Variants in CNTLN observed in about 807,000 individuals in gnomAD.
The protein encoded by CNTLN is centlein, centrosomal protein.
Under a neutral mutation model 180.0 loss-of-function variants are expected in CNTLN, and 212 were observed. That is an observed-to-expected ratio of 1.18 (90% CI 1.05 to 1.32). CNTLN has a LOEUF of 1.32. Ranked by LOEUF, CNTLN falls within the 40% of genes most tolerant of loss-of-function variation. CNTLN has a pLI of 0.00. For synonymous variants in CNTLN, 722 were observed against 563.1 expected, an observed-to-expected ratio of 1.28 and a Z score of -3.99; for missense variants, 2,095 against 1,610.9, an observed-to-expected ratio of 1.30 and a Z score of -5.14.
chr9:17,330,541 C>A, intron 8 of CNTLN, 91 bp from the exon 9 acceptor site: 2 of 683,828 alleles, frequency 2.9e-6, no homozygotes, highest in Non-Finnish European at 4.4e-6. Context: ...TTTACAATTT[C>A]TATAATATAG....
chr9:17,319,976 T>TG (rs1445631442), intron 8 of CNTLN, among the ~76,000 whole-genome samples: 1 of 152,236 alleles, frequency 6.6e-6, no homozygotes, highest in Non-Finnish European at 1.5e-5. Context: ...GAATTCTGAA[T>TG]GACTGCCTAT....
intron 12 of CNTLN, among the ~76,000 whole-genome samples, chr9:17,352,324 C>G: frequency 6.7e-6 from 1 of 150,142 alleles, no homozygotes. Flanking sequence ...AAAATATTAT[C>G]CTAGGAAAGT....
chr9:17,521,613 A>G, the CNTLN span, among the ~76,000 whole-genome samples: 1 of 152,126 alleles, frequency 6.6e-6, no homozygotes, highest in African/African-American at 2.4e-5. Flanking sequence ...CTTATTTCAT[A>G]TTTAGGATCG....
rs553130159 is a variant in CNTLN, at chr9:17,155,276, A to G, written c.449+11900A>G. ...ACCCACTAGAAGGAACCAATTCCGG[A>G]CACAGTATCTCCTAGTCAGTATACA... On this transcript the variant is annotated intron_variant, in intron 2 of 25. Coordinates refer to ENST00000380647, the MANE Select transcript of CNTLN (RefSeq NM_017738.4). Among the ~76,000 whole-genome samples the G allele has an allele frequency of 1.2e-4, 19 of 152,348 alleles. No individual in the cohort carries two copies. In the South Asian group the frequency reaches 3.9e-3, roughly 32 times the overall value.
At chr9:17,314,525 A>G (rs1210500539) in intron 8 of CNTLN, among the ~76,000 whole-genome samples, 1 of 152,204 alleles carries the variant, frequency 6.6e-6, no homozygotes, top group Non-Finnish European at 1.5e-5. Context: ...TTAGTGCATG[A>G]ACAGTTCATT....
At chr9:17,521,961 C>T in the CNTLN span, among the ~76,000 whole-genome samples, 1 of 152,088 alleles carries the variant, frequency 6.6e-6, no homozygotes, top group Admixed American at 6.6e-5. Flanking sequence ...GAGTATAATT[C>T]TGCCTATATT....
intron 5 of CNTLN, among the ~76,000 whole-genome samples, chr9:17,262,878 G>C (rs1257347632): frequency 6.6e-6 from 1 of 151,292 alleles, no homozygotes; most frequent in Non-Finnish European, 1.5e-5. Flanking sequence ...TTTGGGGTGT[G>C]TTCCGTCAAT....
chr9:17,190,007 C>T (rs1337005778), intron 2 of CNTLN, among the ~76,000 whole-genome samples: 3 of 151,726 alleles, frequency 2.0e-5, no homozygotes, highest in Non-Finnish European at 4.4e-5. Context: ...AACTCTCTCT[C>T]TCAATGCAGC....
intron 2 of CNTLN, among the ~76,000 whole-genome samples, chr9:17,154,765 C>G (rs1353437800): frequency 6.6e-6 from 1 of 152,198 alleles, no homozygotes; most frequent in Non-Finnish European, 1.5e-5. Flanking sequence ...GTAAAATGGA[C>G]CAATCAGCGC....
intron 6 of CNTLN, among the ~76,000 whole-genome samples, chr9:17,296,393 G>A (rs1817939727): frequency 6.6e-6 from 1 of 151,954 alleles, no homozygotes. Flanking sequence ...CTACGGATTC[G>A]GGCCTTCTCA....
intron 13 of CNTLN, among the ~76,000 whole-genome samples, chr9:17,383,761 C>T (rs974366072): frequency 2.1e-4 from 32 of 151,886 alleles, no homozygotes; most frequent in African/African-American, 7.0e-4. Context: ...TCTCAGCCTC[C>T]CGAGTAGCTG....
intron 21 of CNTLN, 26 bp downstream of exon 21, chr9:17,464,649 C>G: frequency 1.5e-6 from 2 of 1,314,448 alleles, no homozygotes; most frequent in South Asian, 1.5e-5. Context: ...TTTACTGACA[C>G]TAAAAATATC....
At chr9:17,358,885 C>T (rs895249664) in intron 12 of CNTLN, among the ~76,000 whole-genome samples, 20 of 152,020 alleles carry the variant, frequency 1.3e-4, no homozygotes, top group African/African-American at 4.6e-4. Flanking sequence ...AACTCCAAAC[C>T]CAAAAGTCAG....
intron 18 of CNTLN, among the ~76,000 whole-genome samples, chr9:17,425,599 G>C (rs1333569189): frequency 6.6e-6 from 1 of 152,178 alleles, no homozygotes; most frequent in African/African-American, 2.4e-5. Flanking sequence ...AGTGGCTTTG[G>C]AATTGGGTAA....
chr9:17,177,548 G>A (rs1820800375), intron 2 of CNTLN, among the ~76,000 whole-genome samples: 1 of 152,196 alleles, frequency 6.6e-6, no homozygotes, highest in Non-Finnish European at 1.5e-5. Context: ...TGTGTCCGAA[G>A]TTTGTTCCTT....
At chr9:17,154,026 A>G (rs1330802621) in intron 2 of CNTLN, among the ~76,000 whole-genome samples, 1 of 152,090 alleles carries the variant, frequency 6.6e-6, no homozygotes, top group African/African-American at 2.4e-5. Flanking sequence ...GTTCTTCTCT[A>G]CATTGGTTAT....
chr9:17,326,522 TATAC>T (rs1389185075), intron 8 of CNTLN, among the ~76,000 whole-genome samples: 2 of 152,102 alleles, frequency 1.3e-5, no homozygotes, highest in African/African-American at 2.4e-5. Flanking sequence ...TTTTATTACT[TATAC>T]ATATAATAGT....
At chr9:17,266,538 T>C (rs536192833) in intron 5 of CNTLN, among the ~76,000 whole-genome samples, 8 of 152,272 alleles carry the variant, frequency 5.3e-5, no homozygotes, top group Admixed American at 3.3e-4. Context: ...GAGAGTTCTG[T>C]AGATGTCTAT....
chr9:17,211,164 T>C (rs1161292839), intron 2 of CNTLN, among the ~76,000 whole-genome samples: 2 of 152,214 alleles, frequency 1.3e-5, no homozygotes, highest in African/African-American at 4.8e-5. Flanking sequence ...GCCTAGGTTT[T>C]CTTCTAGGGT....
Sources: gnomAD v4.1 joint callset for allele counts (sites outside exome capture counted in the v4.1 genomes callset) on GRCh38, gnomAD v4.1.1 for gene constraint, MANE v1.5 for transcripts, NCBI Gene and HGNC (gene_info 2026-07-23, HGNC 2026-07-21) for gene names.